MAP2K1: variants seen among roughly 807,000 people sequenced by gnomAD.
MAP2K1 encodes mitogen-activated protein kinase kinase 1.
MAP2K1 carries 16 observed loss-of-function variants against 46.3 expected under a neutral mutation model. The ratio of observed to expected loss-of-function variants is 0.35; its 90% confidence interval spans 0.23 to 0.52. The LOEUF (loss-of-function observed/expected upper bound fraction) is 0.52, where lower values mean the gene tolerates loss of function less well. MAP2K1 is among the 20% of genes least tolerant of loss of function. The pLI, the probability that MAP2K1 is intolerant of heterozygous loss-of-function variation, is 0.94. For synonymous variants in MAP2K1, 183 were observed against 185.6 expected (o/e 0.99, Z 0.11); for missense variants, 263 against 497.1 (o/e 0.53, Z 4.48).
At chr15:66,447,808 C>T (rs1891912622) in intron 5 of MAP2K1, among the ~76,000 whole-genome samples, 1 of 152,076 alleles carries the variant, frequency 6.6e-6, no homozygotes, top group Admixed American at 6.6e-5. Context: ...CCATCACCAC[C>T]ATCCATCTCC....
intron 6 of MAP2K1, among the ~76,000 whole-genome samples, chr15:66,483,748 C>CTTTTTTT (rs750947705): frequency 6.1e-5 from 8 of 131,102 alleles, no homozygotes; most frequent in East Asian, 4.5e-4. Context: ...CATACATTTT[C>CTTTTTTT]TTTTTTTTTT....
chr15:66,474,982 A>G (rs369015077), intron 5 of MAP2K1, among the ~76,000 whole-genome samples: 14 of 151,738 alleles, frequency 9.2e-5, no homozygotes, highest in African/African-American at 3.1e-4. Flanking sequence ...GGATCTTCTT[A>G]GGTCTGCTAG....
intron 4 of MAP2K1, among the ~76,000 whole-genome samples, chr15:66,443,627 T>G (rs1035288243): frequency 1.3e-5 from 2 of 152,102 alleles, no homozygotes; most frequent in Non-Finnish European, 2.9e-5. Context: ...TCCCAGCACT[T>G]TGCGAGGCCA....
intron 5 of MAP2K1, among the ~76,000 whole-genome samples, chr15:66,449,959 C>A (rs1891993085): frequency 6.8e-6 from 1 of 146,786 alleles, no homozygotes; most frequent in African/African-American, 2.5e-5. Context: ...TGGGCTTCAT[C>A]CCTGGGATGC....
At chr15:66,471,799 G>T (rs1490822777) in intron 5 of MAP2K1, among the ~76,000 whole-genome samples, 2 of 152,092 alleles carry the variant, frequency 1.3e-5, no homozygotes, top group African/African-American at 2.4e-5. Flanking sequence ...GCTGTTAGTG[G>T]CCGGGCATGG....
intron 1 of MAP2K1, chr15:66,414,951 C>T: frequency 4.8e-6 from 2 of 419,562 alleles, no homozygotes; most frequent in South Asian, 3.5e-5. Flanking sequence ...ACTTGCATAG[C>T]CACTTGTGCT....
At chr15:66,411,577 G>A (rs1050887616) in intron 1 of MAP2K1, among the ~76,000 whole-genome samples, 1 of 152,112 alleles carries the variant, frequency 6.6e-6, no homozygotes, top group South Asian at 2.1e-4. Context: ...AATAATATTG[G>A]TTTTGCTATT....
rs1893253454 is a variant in MAP2K1 at position 66,491,404 on chromosome 15, A to G, written c.*789A>G. The G allele has an allele frequency of 4.3e-6, 1 of 231,124 alleles. No homozygotes were observed. The highest frequency in any genetic ancestry group is 2.2e-5 in the African/African-American group (1 of 45,154). The allele number at this position is 231,124 out of a possible 1,614,324, so 14.3% of individuals were successfully genotyped here. On this transcript the variant is annotated 3_prime_UTR_variant, in exon 11 of 11. Transcript: ENST00000307102. Reference sequence around the variant, plus strand: ...GATTTATCTTTCCCCATATCCAAGTACCAATGCTGTTGTAAACAACGTGTA... The same window carrying G: ...GATTTATCTTTCCCCATATCCAAGTGCCAATGCTGTTGTAAACAACGTGTA...
intron 5 of MAP2K1, among the ~76,000 whole-genome samples, chr15:66,464,184 G>A (rs777339234): frequency 3.3e-5 from 5 of 152,216 alleles, no homozygotes; most frequent in East Asian, 1.9e-4. Context: ...GATCTCTCGC[G>A]GCTAGGACAG....
chr15:66,418,153 T>C (rs2093428808), intron 1 of MAP2K1, among the ~76,000 whole-genome samples: 1 of 152,132 alleles, frequency 6.6e-6, no homozygotes, highest in Admixed American at 6.5e-5. Flanking sequence ...GAGGATTCCA[T>C]TTGTTATTTT....
intron 5 of MAP2K1, among the ~76,000 whole-genome samples, chr15:66,447,945 G>T (rs1404142561): frequency 2.6e-5 from 4 of 151,934 alleles, no homozygotes; most frequent in African/African-American, 9.7e-5. Flanking sequence ...GAGGTCAGGA[G>T]TTCGAGACCA....
intron 7 of MAP2K1, among the ~76,000 whole-genome samples, chr15:66,486,758 G>T (rs1893047006): frequency 6.6e-6 from 1 of 152,230 alleles, no homozygotes; most frequent in African/African-American, 2.4e-5. Context: ...AAAGGGGAAA[G>T]CAGAGGGGGC....
At chr15:66,485,723 C>A (rs999238253) in intron 7 of MAP2K1, among the ~76,000 whole-genome samples, 1 of 152,144 alleles carries the variant, frequency 6.6e-6, no homozygotes, top group African/African-American at 2.4e-5. Context: ...GGACCACAGT[C>A]ACATGCCACC....
At chr15:66,488,951 A>G (rs565158214) in intron 8 of MAP2K1, 3 of 564,640 alleles carry the variant, frequency 5.3e-6, no homozygotes, top group East Asian at 6.1e-5. Flanking sequence ...TTAGTTCAAA[A>G]TCACCCGACA....
chr15:66,445,178 C>G (rs1891834208), intron 5 of MAP2K1, among the ~76,000 whole-genome samples: 2 of 151,754 alleles, frequency 1.3e-5, no homozygotes, highest in South Asian at 2.1e-4. Flanking sequence ...ATCATGAGGT[C>G]AGGAGTTCGA....
intron 1 of MAP2K1, among the ~76,000 whole-genome samples, chr15:66,415,778 CATACT>C (rs1329065213): frequency 2.0e-5 from 3 of 152,258 alleles, no homozygotes; most frequent in East Asian, 3.9e-4. Flanking sequence ...TTAAACAAAA[CATACT>C]ATATATATTC....
intron 3 of MAP2K1, 84 bp from the exon 4 acceptor site, chr15:66,443,196 C>T (rs2093509633): frequency 5.9e-6 from 5 of 853,936 alleles, no homozygotes; most frequent in South Asian, 2.7e-5. Flanking sequence ...ATGCCATTCT[C>T]CTGCCTCAGC....
At chr15:66,471,473 T>C (rs1407874798) in intron 5 of MAP2K1, among the ~76,000 whole-genome samples, 1 of 152,142 alleles carries the variant, frequency 6.6e-6, no homozygotes, top group Non-Finnish European at 1.5e-5. Context: ...AGCTAGTAGA[T>C]GATAGAGCTA....
At chr15:66,461,437 A>G (rs890771563) in intron 5 of MAP2K1, among the ~76,000 whole-genome samples, 3 of 151,718 alleles carry the variant, frequency 2.0e-5, no homozygotes, top group African/African-American at 2.4e-5. Flanking sequence ...AGATTGCGCC[A>G]CTGCACTCCA....
Sources: allele counts gnomAD v4.1 joint callset (sites outside exome capture counted in the v4.1 genomes callset), GRCh38; gene constraint gnomAD v4.1.1; transcripts MANE v1.5; gene names NCBI Gene and HGNC (gene_info 2026-07-23, HGNC 2026-07-21).